The following CCDC88C variants were observed in gnomAD, a reference collection of about 807,000 sequenced individuals.
CCDC88C encodes the protein coiled-coil and HOOK domain protein 88C.
A neutral mutation model predicts 198.8 loss-of-function variants in CCDC88C; 131 were observed. The observed-to-expected ratio is 0.66, with a 90% confidence interval of 0.57 to 0.76. The LOEUF is 0.76. Among genes scored for constraint, CCDC88C ranks in the 30% least tolerant of loss-of-function variants. CCDC88C has a pLI of 0.00. For missense variants in CCDC88C, 2,553 were observed against 2,631.6 expected, an observed-to-expected ratio of 0.97 and a Z score of 0.65; for synonymous variants, 1,166 against 1,114.7, an observed-to-expected ratio of 1.05 and a Z score of -0.92.
At chr14:91,346,898 C>CA (rs1363960202) in intron 4 of CCDC88C, among the ~76,000 whole-genome samples, 2 of 151,876 alleles carry the variant, frequency 1.3e-5, no homozygotes, top group Admixed American at 6.6e-5. Flanking sequence ...GACTCTGTCT[C>CA]AAAAAAAGAG....
intron 24 of CCDC88C, 111 bp from the exon 25 acceptor site, chr14:91,289,454 C>T (rs1890568749): frequency 7.6e-6 from 7 of 918,332 alleles, no homozygotes; most frequent in South Asian, 3.9e-5. Context: ...GGAAGCTAGG[C>T]CACTCACGTG....
intron 3 of CCDC88C, among the ~76,000 whole-genome samples, chr14:91,382,395 G>A (rs1884863014): frequency 6.6e-6 from 1 of 152,130 alleles, no homozygotes; most frequent in African/African-American, 2.4e-5. Flanking sequence ...TGGAGATTAT[G>A]CAAAACATGA....
chr14:91,341,303 A>G (rs1893299818), intron 6 of CCDC88C, among the ~76,000 whole-genome samples: 1 of 152,212 alleles, frequency 6.6e-6, no homozygotes, highest in Admixed American at 6.5e-5. Flanking sequence ...GCTGGGCTTC[A>G]GGGGCTCAGC....
At position 91,319,961 on chromosome 14, in the gene CCDC88C, T is replaced by C. The variant is rs960508523; in HGVS notation, c.1527+1159A>G. Among the ~76,000 whole-genome samples, 6 of 140,034 alleles carry C rather than the reference T, an allele frequency of 4.3e-5. No homozygotes were observed. The South Asian group carries it at 1.1e-3, about 25-fold the overall frequency. The allele number at this position is 140,034 out of a possible 152,430, so 91.9% of individuals were successfully genotyped here. On this transcript the variant is annotated intron_variant, in intron 13 of 29. Transcript: ENST00000389857. Reference sequence around the variant, plus strand: ...AATCACTTGAACCTGGGAGGTGGAGTTGCAATGAGCTGAGATTGTGCCATT... The same window carrying C: ...AATCACTTGAACCTGGGAGGTGGAGCTGCAATGAGCTGAGATTGTGCCATT...
rs2139889152 is a variant in CCDC88C at position 91,352,513 on chromosome 14, A to C, written c.340+7129T>G. On this transcript the variant is annotated intron_variant, in intron 4 of 29. Transcript: ENST00000389857. This position sits in a 1 kb window ranked among gnomAD's most constrained non-coding sequence, Gnocchi z 4.2. ...AAAACAGCATTTGGTTGCTTTTCTGAACCTTCTCTCTCAAGGATGAAAGAG... is the reference window on the plus strand; with the variant it reads ...AAAACAGCATTTGGTTGCTTTTCTGCACCTTCTCTCTCAAGGATGAAAGAG... Among the ~76,000 whole-genome samples, 1 of 152,336 alleles carries C rather than the reference A, an allele frequency of 6.6e-6. No homozygotes were observed. The highest frequency in any genetic ancestry group is 1.5e-5 in the Non-Finnish European group (1 of 68,028).
Position 91,308,550 on chromosome 14 carries a change from A to C in CCDC88C, c.2865-58T>G, listed in dbSNP as rs561044674. On this transcript the variant is annotated intron_variant, in intron 16 of 29. Transcript: ENST00000389857. ...ATCTACTTCCTCTCCGCAAGTTCCC[A>C]GTGTCCTCGCTGCCAACACATCACT... 1.3e-5 allele frequency: 20 copies of C among 1,551,514 alleles called. No homozygotes were observed. The South Asian group carries it at 1.9e-4, about 15-fold the overall frequency.
At chr14:91,416,029 C>G (rs1337787957) in intron 2 of CCDC88C, among the ~76,000 whole-genome samples, 1 of 152,168 alleles carries the variant, frequency 6.6e-6, no homozygotes, top group Non-Finnish European at 1.5e-5. Flanking sequence ...GAGTTAAAAA[C>G]AGAATGCAAA....
chr14:91,297,520 G>C (rs1003417836), intron 21 of CCDC88C, 29 bp from the exon 22 acceptor site: 2 of 1,547,844 alleles, frequency 1.3e-6, no homozygotes, highest in African/African-American at 1.4e-5. Context: ...CAGGGCAAAG[G>C]AGCTGAAGAG....
chr14:91,412,503 T>C (rs546135240), intron 2 of CCDC88C, among the ~76,000 whole-genome samples: 3 of 152,094 alleles, frequency 2.0e-5, no homozygotes, highest in East Asian at 1.9e-4. Flanking sequence ...GGCACAATCT[T>C]GGCTCACTGC....
intron 3 of CCDC88C, among the ~76,000 whole-genome samples, chr14:91,367,823 G>A (rs746766410): frequency 2.0e-5 from 3 of 152,058 alleles, no homozygotes; most frequent in Non-Finnish European, 1.5e-5. Flanking sequence ...CACTCTCTGC[G>A]CTTCCCACGA....
intron 3 of CCDC88C, among the ~76,000 whole-genome samples, chr14:91,383,865 C>T (rs1295730657): frequency 6.6e-6 from 1 of 152,218 alleles, no homozygotes; most frequent in African/African-American, 2.4e-5. Context: ...GAGGCAGAAA[C>T]AAATTTATCT....
intron 3 of CCDC88C, among the ~76,000 whole-genome samples, chr14:91,388,067 T>C (rs1885252363): frequency 6.6e-6 from 1 of 152,134 alleles, no homozygotes; most frequent in Admixed American, 6.5e-5. Context: ...AGCTTGAACA[T>C]TCCACTGCTG....
chr14:91,343,079 C>T (rs545699183), intron 5 of CCDC88C, among the ~76,000 whole-genome samples: 258 of 152,268 alleles, frequency 1.7e-3, no homozygotes, highest in Admixed American at 2.7e-3. Context: ...CTCAGCCTCC[C>T]GAGTAGCCGG....
chr14:91,357,905 CCT>C (rs1894113192), intron 4 of CCDC88C, among the ~76,000 whole-genome samples: 1 of 152,236 alleles, frequency 6.6e-6, no homozygotes, highest in South Asian at 2.1e-4. Flanking sequence ...CCAAAGGCCC[CCT>C]GCTACTAACA....
rs780094181 is a variant in CCDC88C, at chr14:91,273,072, C to A, written c.5640G>T (p.Pro1880=). ...SCQGPGPRSR[P]LDTRRFSLAP... ...CCAGGGAGAAGCGCCTCGTGTCCAG[C>A]GGCCGGCTGCGGGGACCTGGGCCCT... Residue 1880 remains proline (P), a synonymous_variant, in exon 30 of 30, where the codon CCG becomes CCT. Coordinates refer to ENST00000389857, the MANE Select transcript of CCDC88C (RefSeq NM_001080414.4). This position sits in a 1 kb window ranked among gnomAD's most constrained non-coding sequence, Gnocchi z 5.6. 1.3e-6 allele frequency: 2 copies of A among 1,557,828 alleles called. No homozygotes were observed. The highest frequency in any genetic ancestry group is 1.7e-6 in the Non-Finnish European group (2 of 1,151,790).
Position 91,408,724 on chromosome 14 carries a change from T to G in CCDC88C, c.205A>C (p.Asn69His). Reference sequence around the variant, plus strand: ...TTCTGAATGCGAAGGTTCACATCATTGTTGACGTGCTTATTGATGCGTTGA... The same window carrying G: ...TTCTGAATGCGAAGGTTCACATCATGGTTGACGTGCTTATTGATGCGTTGA... ...TNQRINKHVN[N>H]DVNLRIQNLT... Residue 69 changes from asparagine to histidine, a missense_variant, in exon 3 of 30, where the codon AAT (asparagine) becomes CAT (histidine). Physicochemically the swap from Asn to His is moderately conservative, Grantham distance 68. Around this residue, in one of 2 missense-constraint regions of CCDC88C, gnomAD observed 1,260 missense variants for 1,412.0 expected, o/e 0.89. Coordinates refer to ENST00000389857, the MANE Select transcript of CCDC88C (RefSeq NM_001080414.4). The G allele has an allele frequency of 2.5e-6, 4 of 1,613,916 alleles. No individual in the cohort carries two copies. The highest frequency in any genetic ancestry group is 3.4e-6 in the Non-Finnish European group (4 of 1,179,806).
At chr14:91,294,380 C>A in intron 22 of CCDC88C, 62 bp from the exon 23 acceptor site, 1 of 1,580,114 alleles carries the variant, frequency 6.3e-7, no homozygotes, top group African/African-American at 1.3e-5. Context: ...CTGCTGGGAA[C>A]CTAGCTCCCA....
chr14:91,404,415 C>T (rs1886370959), intron 3 of CCDC88C, among the ~76,000 whole-genome samples: 1 of 152,180 alleles, frequency 6.6e-6, no homozygotes, highest in South Asian at 2.1e-4. Context: ...CAACGTGACT[C>T]TTCTAGAAAT....
chr14:91,370,254 G>C (rs1016480445), intron 3 of CCDC88C, among the ~76,000 whole-genome samples: 1 of 152,232 alleles, frequency 6.6e-6, no homozygotes, highest in Non-Finnish European at 1.5e-5. Context: ...GTCTCCTTCA[G>C]AAGGGGGAAG....
Sources: gnomAD v4.1 joint callset for allele counts (sites outside exome capture counted in the v4.1 genomes callset) on GRCh38, gnomAD v4.1.1 for gene constraint, gnomAD v4.1.1 regional missense constraint, Gnocchi (gnomAD v3.1) non-coding constraint, MANE v1.5 for transcripts, NCBI Gene and HGNC (gene_info 2026-07-23, HGNC 2026-07-21) for gene names.